Variants in NADK2 observed in about 807,000 individuals in gnomAD.
The protein encoded by NADK2 is NAD kinase domain-containing protein 1, mitochondrial.
In NADK2, 35 loss-of-function variants were observed where a neutral mutation model predicts 62.1. The observed-to-expected ratio is 0.56, with a 90% CI of 0.43 to 0.75. NADK2 has a LOEUF of 0.75. Among genes scored for constraint, NADK2 ranks in the 30% least tolerant of loss-of-function variants. The probability of loss-of-function intolerance (pLI) is 0.00; values close to 1 mark genes in which losing one functional copy is unlikely to be tolerated. For synonymous variants in NADK2, 205 were observed against 207.9 expected, an observed-to-expected ratio of 0.99 and a Z score of 0.12; for missense variants, 439 against 561.3, an observed-to-expected ratio of 0.78 and a Z score of 2.20.
Position 36,225,591 on chromosome 5 carries a change from CTT to C in NADK2, c.509_510del (p.Lys170SerfsTer6). On this transcript the variant is annotated frameshift_variant, in exon 4 of 12. Coordinates refer to ENST00000381937, the MANE Select transcript of NADK2 (RefSeq NM_001085411.3). LOFTEE classifies it high-confidence loss of function. ...GDGTMLLAAS[K>X]VLDRLKPVIG... ...ATAACTGGTTTAAGTCTGTCCAAGA[CTT>C]TACTCGCTGCCAGCAGCATTGTGCC... 6.2e-7 allele frequency: 1 copy of C among 1,613,962 alleles called. No individual in the cohort carries two copies. The highest frequency in any genetic ancestry group is 8.5e-7 in the Non-Finnish European group (1 of 1,179,906).
rs375516996 is a variant in NADK2, at chr5:36,193,788, C to T, written c.*1356G>A. ...TTAAATATTGGCAAAACTAAGAGCA[C>T]TCAATTCGACTATCCGTCCAGCTTT... On this transcript the variant is annotated 3_prime_UTR_variant, in exon 12 of 12. Coordinates refer to ENST00000381937, the MANE Select transcript of NADK2 (RefSeq NM_001085411.3). 6.6e-6 allele frequency: 1 copy of T among 152,548 alleles called. No homozygotes were observed. Among genetic ancestry groups the T allele is most frequent in the South Asian group, 2.1e-4 (1 of 4,824 alleles). 9.4% of individuals were successfully genotyped at this position (152,548 alleles called of 1,614,324 possible).
chr5:36,221,079 G>A (rs1747249503), intron 4 of NADK2: 2 of 152,234 alleles, frequency 1.3e-5, no homozygotes, highest in Non-Finnish European at 2.9e-5. Flanking sequence ...GGGCAGGGAG[G>A]AGTACATTAA....
intron 7 of NADK2, among the ~76,000 whole-genome samples, 198 bp downstream of exon 7, chr5:36,211,646 T>G (rs1215578047): frequency 6.6e-6 from 1 of 152,206 alleles, no homozygotes; most frequent in Non-Finnish European, 1.5e-5. Context: ...TTTCACAAAC[T>G]TTTTTGTCAT....
intron 5 of NADK2, among the ~76,000 whole-genome samples, chr5:36,219,085 A>C (rs1561067079): frequency 4.6e-5 from 7 of 152,222 alleles, no homozygotes; most frequent in Admixed American, 2.0e-4. Flanking sequence ...GTTTCTCTCC[A>C]CAATTCCAAC....
At chr5:36,206,959 G>A (rs1178723072) in intron 8 of NADK2, among the ~76,000 whole-genome samples, 1 of 151,842 alleles carries the variant, frequency 6.6e-6, no homozygotes, top group African/African-American at 2.4e-5. Context: ...CAAACCTAGT[G>A]CTCAATAATG....
chr5:36,195,905 A>C (rs1203134067), intron 11 of NADK2, among the ~76,000 whole-genome samples: 2 of 152,362 alleles, frequency 1.3e-5, no homozygotes, highest in East Asian at 3.9e-4. Context: ...TATAATATGC[A>C]CAGTGGTGCC....
In NADK2 at chr5:36,211,812, T is replaced by A. The variant is rs201247175; in HGVS notation, c.860+32A>T. ...TATCCAAAAGCACTAAAACATTAAA[T>A]TCCATGCTCAAGATCACAGGTTTAA... On this transcript the variant is annotated intron_variant, in intron 7 of 11. Coordinates refer to ENST00000381937, the MANE Select transcript of NADK2 (RefSeq NM_001085411.3). 2.0e-4 allele frequency: 315 copies of A among 1,560,342 alleles called. 5 individuals are homozygous for A. In the East Asian group the frequency reaches 6.8e-3, roughly 33 times the overall value.
chr5:36,218,071 C>T, intron 5 of NADK2, 187 bp from the exon 6 acceptor site: 1 of 520,450 alleles, frequency 1.9e-6, no homozygotes, highest in Non-Finnish European at 3.3e-6. Flanking sequence ...TATTTATTCT[C>T]TTTTCAATTA....
intron 1 of NADK2, among the ~76,000 whole-genome samples, chr5:36,235,886 AAT>A (rs879702521): frequency 3.6e-3 from 67 of 18,398 alleles, no homozygotes; most frequent in Middle Eastern, 0.025. Flanking sequence ...TTATGAAGAA[AAT>A]ATATATATAT....
chr5:36,230,349 G>C (rs1747662119), intron 1 of NADK2, among the ~76,000 whole-genome samples: 1 of 152,224 alleles, frequency 6.6e-6, no homozygotes, highest in Non-Finnish European at 1.5e-5. Flanking sequence ...CAGGACTGCT[G>C]AAACAGCTGC....
At chr5:36,217,000 A>G (rs908149687) in intron 6 of NADK2, among the ~76,000 whole-genome samples, 4 of 152,132 alleles carry the variant, frequency 2.6e-5, no homozygotes, top group Non-Finnish European at 5.9e-5. Flanking sequence ...CTATTAAGCT[A>G]TAAGTCACCA....
At chr5:36,240,645 G>C (rs1208786568) in intron 1 of NADK2, among the ~76,000 whole-genome samples, 2 of 152,284 alleles carry the variant, frequency 1.3e-5, no homozygotes, top group East Asian at 1.9e-4. Context: ...AAGTTGGTGG[G>C]GGGGGATGAC....
chr5:36,219,468 C>T, intron 5 of NADK2, 128 bp downstream of exon 5: 1 of 743,444 alleles, frequency 1.3e-6, no homozygotes, highest in Non-Finnish European at 2.2e-6. Context: ...GCATCGGCCT[C>T]CCAAAGTACT....
At chr5:36,196,833 G>T (rs555792116) in intron 11 of NADK2, among the ~76,000 whole-genome samples, 2 of 152,022 alleles carry the variant, frequency 1.3e-5, no homozygotes, top group Non-Finnish European at 2.9e-5. Context: ...ATGACAACAT[G>T]AATGTTAAGA....
At chr5:36,236,214 A>C (rs974235863) in intron 1 of NADK2, among the ~76,000 whole-genome samples, 5 of 152,212 alleles carry the variant, frequency 3.3e-5, no homozygotes, top group Non-Finnish European at 7.4e-5. Flanking sequence ...GCTGAACATC[A>C]GGGCTGTGAA....
intron 1 of NADK2, among the ~76,000 whole-genome samples, chr5:36,233,959 A>G (rs1025151280): frequency 1.6e-4 from 25 of 152,252 alleles, no homozygotes; most frequent in African/African-American, 6.0e-4. Context: ...AGTGCTGTTC[A>G]GGAACCCACT....
At position 36,241,651 on chromosome 5, in the gene NADK2, C is replaced by T; in HGVS notation, c.148G>A (p.Gly50Arg). 2.3e-6 allele frequency: 3 copies of T among 1,310,128 alleles called. No individual in the cohort carries two copies. In the African/African-American group the frequency reaches 4.6e-5, roughly 20 times the overall value. 81.2% of individuals were successfully genotyped at this position (1,310,128 alleles called of 1,614,324 possible). ...CAGCCCGCCAGCTCGCGCGGCTGCC[C>T]CTGCCCCAGGTGCCGCCGGCCGCCA... ...DGGGRRHLGQ[G>R]QPRELAGCGS... Residue 50 changes from glycine (G) to arginine (R), a missense_variant, in exon 1 of 12, where the codon GGG becomes AGG. Gly to Arg is a moderately radical substitution (Grantham distance 125). Transcript: ENST00000381937. The surrounding 1 kb of genome is among the most constrained non-coding windows in gnomAD (Gnocchi z 4.9).
At chr5:36,208,082 G>A (rs976686220) in intron 7 of NADK2, among the ~76,000 whole-genome samples, 1 of 151,954 alleles carries the variant, frequency 6.6e-6, no homozygotes, top group African/African-American at 2.4e-5. Flanking sequence ...AAAAAGTTAC[G>A]ATAAAACCGT....
At chr5:36,233,704 A>G (rs67399512) in intron 1 of NADK2, among the ~76,000 whole-genome samples, 52,540 of 151,926 alleles carry the variant, frequency 0.35, 9,336 homozygotes, top group South Asian at 0.45. Flanking sequence ...ACAAGGCTAA[A>G]TTCTTCCCTG....
Sources: allele counts gnomAD v4.1 joint callset (sites outside exome capture counted in the v4.1 genomes callset), GRCh38; gene constraint gnomAD v4.1.1; non-coding constraint Gnocchi (gnomAD v3.1); transcripts MANE v1.5; gene names NCBI Gene and HGNC (gene_info 2026-07-23, HGNC 2026-07-21).